CUX1: variants seen among roughly 807,000 people sequenced by gnomAD.
The protein encoded by CUX1 is cut like homeobox 1, also known as protein CASP.
In CUX1, 31 loss-of-function variants were observed where a neutral mutation model predicts 158.8. The ratio of observed to expected loss-of-function variants is 0.20; its 90% CI spans 0.15 to 0.26. The LOEUF (loss-of-function observed/expected upper bound fraction) is 0.26. CUX1 is among the 10% of genes least tolerant of loss of function. The pLI is 1.00. For synonymous variants in CUX1, 879 were observed against 862.1 expected (o/e 1.02, Z -0.34); for missense variants, 1,589 against 2,014.6 (o/e 0.79, Z 4.04).
chr7:101,927,944 G>T (rs1333002468), intron 2 of CUX1, among the ~76,000 whole-genome samples: 1 of 152,166 alleles, frequency 6.6e-6, no homozygotes, highest in African/African-American at 2.4e-5. Context: ...CAGGACGGCC[G>T]CTTTGTCTGT....
intron 2 of CUX1, among the ~76,000 whole-genome samples, chr7:101,980,644 G>A (rs1043308449): frequency 6.6e-6 from 1 of 152,168 alleles, no homozygotes; most frequent in South Asian, 2.1e-4. Flanking sequence ...CACCTCTCCC[G>A]CTTCTGACTC....
intron 10 of CUX1, among the ~76,000 whole-genome samples, chr7:102,171,874 A>G (rs982195733): frequency 6.6e-6 from 1 of 152,214 alleles, no homozygotes; most frequent in Non-Finnish European, 1.5e-5. Context: ...TAAGGTTACA[A>G]TGAGTACATA....
At chr7:101,915,663 T>C (rs541883410) in intron 1 of CUX1, among the ~76,000 whole-genome samples, 1 of 152,212 alleles carries the variant, frequency 6.6e-6, no homozygotes, top group East Asian at 1.9e-4. Flanking sequence ...CCACACGGAA[T>C]GCCCCGAGGA....
chr7:102,112,048 C>A, intron 7 of CUX1: 7 of 307,936 alleles, frequency 2.3e-5, no homozygotes, highest in Non-Finnish European at 3.6e-5. Context: ...CTTTTTCCAA[C>A]AAACACTTCT....
chr7:101,944,408 A>G (rs1319750884), intron 2 of CUX1, among the ~76,000 whole-genome samples: 3 of 152,224 alleles, frequency 2.0e-5, no homozygotes, highest in Admixed American at 2.0e-4. Context: ...GCAGTAAGAC[A>G]TAAACCTACC....
intron 20 of CUX1, among the ~76,000 whole-genome samples, chr7:102,211,798 A>G (rs1451315653): frequency 6.6e-6 from 1 of 151,728 alleles, no homozygotes; most frequent in Non-Finnish European, 1.5e-5. Flanking sequence ...AAAAAAAAAA[A>G]AAAAACTCAA....
chr7:102,033,416 G>A (rs891175088), intron 3 of CUX1, among the ~76,000 whole-genome samples: 10 of 152,264 alleles, frequency 6.6e-5, no homozygotes, highest in Non-Finnish European at 1.3e-4. Flanking sequence ...GAGAAACATT[G>A]CAAAAGTCAT....
Position 102,055,534 on chromosome 7 carries a change from A to G in CUX1, c.190-14805A>G, listed in dbSNP as rs1453379121. ...ATATTACTATCATAATTGTTTGGGGACACCACAAACTGTGCCCCATATAAG... is the reference window on the plus strand; with the variant it reads ...ATATTACTATCATAATTGTTTGGGGGCACCACAAACTGTGCCCCATATAAG... On this transcript the variant is annotated intron_variant, in intron 3 of 23. Coordinates refer to ENST00000292535, the MANE Select transcript of CUX1 (RefSeq NM_181552.4). Among the ~76,000 whole-genome samples, 3 of 152,104 alleles carry G rather than the reference A, an allele frequency of 2.0e-5. No homozygotes were observed. The East Asian group carries it at 5.8e-4, about 29-fold the overall frequency.
intron 17 of CUX1, chr7:102,275,361 T>TGCAC (rs1791534036): frequency 6.2e-7 from 1 of 1,609,964 alleles, no homozygotes; most frequent in African/African-American, 1.3e-5. Flanking sequence ...CTTGAGGCCG[T>TGCAC]GAGTCACATC....
intron 1 of CUX1, among the ~76,000 whole-genome samples, chr7:101,857,334 C>T (rs778019878): frequency 3.3e-5 from 5 of 152,092 alleles, no homozygotes; most frequent in Non-Finnish European, 4.4e-5. Flanking sequence ...TAACTATTTT[C>T]TTCTTCAGGA....
At chr7:101,845,215 G>T (rs956905098) in intron 1 of CUX1, among the ~76,000 whole-genome samples, 3 of 151,928 alleles carry the variant, frequency 2.0e-5, no homozygotes, top group Non-Finnish European at 2.9e-5. Context: ...CAAACTCCTG[G>T]GCTCAAGCAG....
At chr7:102,054,806 A>C (rs576882678) in intron 3 of CUX1, among the ~76,000 whole-genome samples, 168 of 152,256 alleles carry the variant, frequency 1.1e-3, no homozygotes, top group African/African-American at 3.8e-3. Context: ...CATCTCTACA[A>C]GAAAAAAGTT....
At position 102,252,120 on chromosome 7, in the gene CUX1, T is replaced by C; in HGVS notation, c.*3078T>C. 1.0e-6 allele frequency: 1 copy of C among 984,204 alleles called. No homozygotes were observed. Among genetic ancestry groups the C allele is most frequent in the Non-Finnish European group, 1.2e-6 (1 of 828,856 alleles). 61.0% of individuals were successfully genotyped at this position (984,204 alleles called of 1,614,324 possible). On this transcript the variant is annotated 3_prime_UTR_variant, in exon 24 of 24. Coordinates refer to ENST00000292535, the MANE Select transcript of CUX1 (RefSeq NM_181552.4). ...TGTGTATTTTTTTTCCTCTATTATT[T>C]ATTTTTTTAAAAAAAATAGAGATCC...
chr7:102,072,521 C>T (rs1276700398), intron 4 of CUX1, among the ~76,000 whole-genome samples: 3 of 152,202 alleles, frequency 2.0e-5, no homozygotes, highest in African/African-American at 4.8e-5. Context: ...TACAAAGTTA[C>T]GCTTCTCTGC....
chr7:102,023,142 G>T (rs1042499365), intron 2 of CUX1, among the ~76,000 whole-genome samples: 2 of 152,246 alleles, frequency 1.3e-5, no homozygotes, highest in South Asian at 2.1e-4. Context: ...TTGAACCTGG[G>T]GGGTGGAGGT....
At chr7:102,231,744 C>T (rs1418267737) in intron 21 of CUX1, among the ~76,000 whole-genome samples, 1 of 143,402 alleles carries the variant, frequency 7.0e-6, no homozygotes, top group Non-Finnish European at 1.5e-5. Flanking sequence ...GATGGAGTCT[C>T]GCTCTGTCAC....
intron 2 of CUX1, among the ~76,000 whole-genome samples, chr7:102,011,568 G>T (rs908125480): frequency 6.6e-6 from 1 of 151,938 alleles, no homozygotes; most frequent in African/African-American, 2.4e-5. Context: ...TTTTAGTAGA[G>T]ACGGGTTTCA....
At chr7:101,882,618 C>T (rs1426073566) in intron 1 of CUX1, among the ~76,000 whole-genome samples, 2 of 152,216 alleles carry the variant, frequency 1.3e-5, no homozygotes, top group Non-Finnish European at 2.9e-5. Flanking sequence ...AGCTCAGGGC[C>T]TGGTTCACTC....
chr7:101,905,116 GT>G (rs1802610566), intron 1 of CUX1, among the ~76,000 whole-genome samples: 1 of 152,122 alleles, frequency 6.6e-6, no homozygotes, highest in Admixed American at 6.5e-5. Flanking sequence ...GTGTCTCTGG[GT>G]GGGGGGCTCA....
Sources: gnomAD v4.1 joint callset for allele counts (sites outside exome capture counted in the v4.1 genomes callset) on GRCh38, gnomAD v4.1.1 for gene constraint, MANE v1.5 for transcripts, NCBI Gene and HGNC (gene_info 2026-07-23, HGNC 2026-07-21) for gene names.